The following KAT6B variants were observed in gnomAD, a reference collection of about 807,000 sequenced individuals.
KAT6B encodes the protein histone acetyltransferase KAT6B.
In KAT6B, 10 loss-of-function variants were observed where a neutral mutation model predicts 187.5. The observed-to-expected ratio is 0.05, with a 90% confidence interval of 0.03 to 0.09. The LOEUF is 0.09. Ranked by LOEUF, KAT6B falls within the 10% of genes least tolerant of loss-of-function variation. KAT6B has a pLI of 1.00. For synonymous variants in KAT6B, 861 were observed against 926.8 expected, an observed-to-expected ratio of 0.93 and a Z score of 1.29; for missense variants, 1,952 against 2,558.9, an observed-to-expected ratio of 0.76 and a Z score of 5.12.
chr10:74,880,401 A>G (rs922635470), intron 3 of KAT6B, among the ~76,000 whole-genome samples: 5 of 152,252 alleles, frequency 3.3e-5, no homozygotes, highest in Non-Finnish European at 4.4e-5. Flanking sequence ...TGTAGTATGT[A>G]TCAGTACTTC....
intron 13 of KAT6B, among the ~76,000 whole-genome samples, chr10:74,992,269 A>G (rs879741689): frequency 1.3e-5 from 2 of 152,204 alleles, no homozygotes; most frequent in African/African-American, 2.4e-5. Context: ...ACTTGATCAC[A>G]GACATGGGTG....
intron 3 of KAT6B, among the ~76,000 whole-genome samples, chr10:74,935,128 G>A (rs1849155394): frequency 6.6e-6 from 1 of 152,192 alleles, no homozygotes. Context: ...GCGTAACACT[G>A]ACCTCACAGG....
At chr10:74,969,455 C>T (rs546890966) in intron 4 of KAT6B, among the ~76,000 whole-genome samples, 30 of 152,184 alleles carry the variant, frequency 2.0e-4, no homozygotes, top group Non-Finnish European at 2.1e-4. Flanking sequence ...TTCGTACAGT[C>T]ATTTTGTTAC....
chr10:74,917,410 G>C (rs1441255318), intron 3 of KAT6B, among the ~76,000 whole-genome samples: 2 of 152,088 alleles, frequency 1.3e-5, no homozygotes, highest in African/African-American at 4.8e-5. Flanking sequence ...TCCCATCCAG[G>C]ATCCCACATT....
chr10:74,904,131 A>G (rs1846590284), intron 3 of KAT6B, among the ~76,000 whole-genome samples: 1 of 152,230 alleles, frequency 6.6e-6, no homozygotes, highest in African/African-American at 2.4e-5. Context: ...TGTCTGGACA[A>G]TGTTTAGATG....
At chr10:74,991,017 T>C (rs1843098879) in intron 13 of KAT6B, among the ~76,000 whole-genome samples, 1 of 152,198 alleles carries the variant, frequency 6.6e-6, no homozygotes, top group Admixed American at 6.5e-5. Flanking sequence ...CTAGACTCCG[T>C]CTGTTCAAAA....
chr10:75,024,780 T>C lies in KAT6B; in HGVS notation c.3373-178T>C, dbSNP rs10490994. 0.033 allele frequency among the ~76,000 whole-genome samples: 4,962 copies of C among 152,230 alleles called. 143 individuals are homozygous for C. Among genetic ancestry groups the C allele is most frequent in the East Asian group, 0.083 (427 of 5,174 alleles). ...GTTTTATTTGGAAAACACTTGCCTG[T>C]GTAGTTGGAGCCCGAGAGGGATGTT... is the stretch of plus-strand genomic sequence containing the variant. On this transcript the variant is annotated intron_variant, in intron 16 of 17. Coordinates refer to ENST00000287239, the MANE Select transcript of KAT6B (RefSeq NM_012330.4).
At chr10:75,013,783 G>T (rs1844783205) in intron 13 of KAT6B, among the ~76,000 whole-genome samples, 1 of 152,166 alleles carries the variant, frequency 6.6e-6, no homozygotes, top group Non-Finnish European at 1.5e-5. Flanking sequence ...TCTTATGGAT[G>T]AGGGATCTGA....
intron 4 of KAT6B, 116 bp from the exon 5 acceptor site, chr10:74,969,544 A>G (rs1437742209): frequency 4.8e-5 from 34 of 709,986 alleles, no homozygotes; most frequent in South Asian, 4.2e-4. Flanking sequence ...GGCATTTTCA[A>G]GTTCCTAAGG....
At chr10:75,018,452 T>C (rs1845148225) in intron 13 of KAT6B, among the ~76,000 whole-genome samples, 1 of 152,208 alleles carries the variant, frequency 6.6e-6, no homozygotes, top group Non-Finnish European at 1.5e-5. Flanking sequence ...TGCCTGCTGG[T>C]TTGAGTGGCC....
intron 13 of KAT6B, among the ~76,000 whole-genome samples, chr10:75,011,489 A>G (rs12772120): frequency 0.24 from 36,477 of 152,074 alleles, 5,754 homozygotes; most frequent in East Asian, 0.59. Context: ...GTGATAGGCA[A>G]TGGGCTTCGT....
At chr10:75,026,526 T>C (rs1435679802) in intron 17 of KAT6B, among the ~76,000 whole-genome samples, 1 of 152,220 alleles carries the variant, frequency 6.6e-6, no homozygotes, top group Non-Finnish European at 1.5e-5. Context: ...AAGCATCTTC[T>C]TGATTTTCTT....
chr10:74,973,816 T>C (rs1262270460), intron 7 of KAT6B, among the ~76,000 whole-genome samples: 1 of 152,180 alleles, frequency 6.6e-6, no homozygotes, highest in Non-Finnish European at 1.5e-5. Flanking sequence ...AGAAATTATA[T>C]GTTTTTGCAT....
chr10:74,970,502 A>G (rs1564596462), intron 6 of KAT6B, among the ~76,000 whole-genome samples: 1 of 152,244 alleles, frequency 6.6e-6, no homozygotes. Flanking sequence ...CCAAAGTCCT[A>G]CAACAGGAAG....
At position 75,031,879 on chromosome 10, in the gene KAT6B, T is replaced by A; in HGVS notation, c.*833T>A. 5 of 194,410 alleles carry A rather than the reference T, an allele frequency of 2.6e-5. No individual in the cohort carries two copies. Among genetic ancestry groups the A allele is most frequent in the Admixed American group, 6.1e-5 (1 of 16,340 alleles). The allele number at this position is 194,410 out of a possible 1,614,324, so 12.0% of individuals were successfully genotyped here. On this transcript the variant is annotated 3_prime_UTR_variant, in exon 18 of 18. Transcript: ENST00000287239. ...ATATGTCCAAATACTTGGCAGGATT[T>A]AAAAAAAAATAGTGAATTTGGTGTA...
In KAT6B at chr10:75,017,503, A is replaced by G. The variant is rs144070482; in HGVS notation, c.2630-3079A>G. 6.1e-3 allele frequency among the ~76,000 whole-genome samples: 923 copies of G among 152,180 alleles called. 5 individuals are homozygous for G. The highest frequency in any genetic ancestry group is 0.021 in the African/African-American group (860 of 41,532). ...GCCACTGGCGCCTGTAATCCCAGCT[A>G]CTCAGGAAGCTGAGGAAGGAGAATC... On this transcript the variant is annotated intron_variant, in intron 13 of 17. Transcript: ENST00000287239.
chr10:74,825,839 G>A (rs1840151086), upstream of KAT6B, among the ~76,000 whole-genome samples: 1 of 151,594 alleles, frequency 6.6e-6, no homozygotes, highest in Non-Finnish European at 1.5e-5. This position sits in a 1 kb window ranked among gnomAD's most constrained non-coding sequence, Gnocchi z 5.0. Context: ...GCCTGCACCC[G>A]GCCTGGGGCT....
At chr10:74,965,521 G>C (rs1439129035) in intron 4 of KAT6B, among the ~76,000 whole-genome samples, 1 of 152,156 alleles carries the variant, frequency 6.6e-6, no homozygotes, top group Admixed American at 6.5e-5. Flanking sequence ...GGATGGTCAG[G>C]TAGCCAGTCT....
At chr10:74,853,208 G>A (rs112876856) in intron 3 of KAT6B, among the ~76,000 whole-genome samples, 6,474 of 143,972 alleles carry the variant, frequency 0.045, 213 homozygotes, top group South Asian at 0.11. Context: ...TCGACCTCCC[G>A]GGCTCAAGTG....
Sources: gnomAD v4.1 joint callset for allele counts (sites outside exome capture counted in the v4.1 genomes callset) on GRCh38, gnomAD v4.1.1 for gene constraint, Gnocchi (gnomAD v3.1) non-coding constraint, MANE v1.5 for transcripts, NCBI Gene and HGNC (gene_info 2026-07-23, HGNC 2026-07-21) for gene names.